The following CDK14 variants were observed in gnomAD, a reference collection of about 807,000 sequenced individuals.
The protein encoded by CDK14 is cyclin dependent kinase 14.
CDK14 carries 34 observed loss-of-function variants against 60.7 expected under a neutral mutation model. The observed-to-expected ratio is 0.56, with a 90% confidence interval of 0.43 to 0.75. The LOEUF (loss-of-function observed/expected upper bound fraction) is 0.75, where lower values mean the gene tolerates loss of function less well. Among genes scored for constraint, CDK14 ranks in the 30% least tolerant of loss-of-function variants. The pLI, the probability that CDK14 is intolerant of heterozygous loss-of-function variation, is 0.00. For synonymous variants in CDK14, 197 were observed against 203.7 expected (o/e 0.97, Z 0.28); for missense variants, 482 against 564.1 (o/e 0.85, Z 1.47).
intron 2 of CDK14, among the ~76,000 whole-genome samples, chr7:90,679,312 T>C (rs1306568571): frequency 6.6e-6 from 1 of 152,210 alleles, no homozygotes; most frequent in Admixed American, 6.5e-5. Flanking sequence ...CTGTATTAAC[T>C]GATTGCAACT....
intron 14 of CDK14, among the ~76,000 whole-genome samples, chr7:91,183,701 C>T (rs1185012958): frequency 6.6e-6 from 1 of 152,194 alleles, no homozygotes; most frequent in African/African-American, 2.4e-5. Context: ...TTAGTTCTTT[C>T]CACCTCAAGT....
At chr7:91,204,565 C>T (rs936976803) in intron 14 of CDK14, among the ~76,000 whole-genome samples, 11 of 152,126 alleles carry the variant, frequency 7.2e-5, no homozygotes, top group African/African-American at 2.2e-4. Flanking sequence ...AACTCAACAA[C>T]GAAAAGACAA....
rs1029560338 is a variant in CDK14 at position 90,692,897 on chromosome 7, G to C, written c.124-33670G>C. Among the ~76,000 whole-genome samples the C allele has an allele frequency of 1.8e-4, 27 of 150,304 alleles. 1 individual carries two copies. The highest frequency in any genetic ancestry group is 6.6e-4 in the African/African-American group (27 of 40,872). On this transcript the variant is annotated intron_variant, in intron 2 of 14. Coordinates refer to ENST00000380050, the MANE Select transcript of CDK14 (RefSeq NM_001287135.2). The stretch of plus-strand genomic sequence containing the variant: ...GTTACTGCATTGGTCTGATGAGAAA[G>C]AAAAACTGCTTTAAATTCAGGCCAT...
chr7:90,726,580 A>C lies in CDK14; in HGVS notation c.137A>C (p.Lys46Thr). ...DTTFDEICVT[K>T]MSTRNCQGMD... ...TTCTTTTCTCAGATATGTGTCACAA[A>C]GATGTCTACACGGAACTGCCAGGGA... Residue 46 changes from lysine to threonine, a missense_variant, in exon 3 of 15, where the codon AAG (lysine) becomes ACG (threonine). Coordinates refer to ENST00000380050, the MANE Select transcript of CDK14 (RefSeq NM_001287135.2). 1 of 1,613,406 alleles carries C rather than the reference A, an allele frequency of 6.2e-7. No homozygotes were observed. The highest frequency in any genetic ancestry group is 8.5e-7 in the Non-Finnish European group (1 of 1,179,574).
intron 5 of CDK14, among the ~76,000 whole-genome samples, chr7:90,810,126 C>T (rs147438187): frequency 0.016 from 2,485 of 152,202 alleles, 33 homozygotes; most frequent in South Asian, 0.039. Context: ...TTTATGAGGC[C>T]GGCATCATCC....
At chr7:90,716,968 G>T (rs1042784128) in intron 2 of CDK14, among the ~76,000 whole-genome samples, 1 of 152,052 alleles carries the variant, frequency 6.6e-6, no homozygotes, top group African/African-American at 2.4e-5. Context: ...TGAGATCCCA[G>T]TGATTCCCGT....
intron 8 of CDK14, among the ~76,000 whole-genome samples, chr7:90,948,389 G>C (rs985370540): frequency 6.6e-6 from 1 of 152,122 alleles, no homozygotes. Context: ...GGATTGTTGA[G>C]GTGGAATTAT....
At chr7:91,092,353 G>A (rs1458022047) in intron 12 of CDK14, among the ~76,000 whole-genome samples, 1 of 152,164 alleles carries the variant, frequency 6.6e-6, no homozygotes, top group East Asian at 1.9e-4. Flanking sequence ...GGAATGTAGG[G>A]TCTGCTGGGA....
intron 2 of CDK14, among the ~76,000 whole-genome samples, chr7:90,635,190 A>G (rs1213755147): frequency 6.6e-6 from 1 of 152,152 alleles, no homozygotes; most frequent in Non-Finnish European, 1.5e-5. Context: ...TTGGTGTTTT[A>G]GACACGAAGT....
chr7:91,201,012 T>A (rs374581499), intron 14 of CDK14, among the ~76,000 whole-genome samples: 2 of 152,206 alleles, frequency 1.3e-5, no homozygotes, highest in East Asian at 1.9e-4. Context: ...CCTAATTTTT[T>A]CATTATTACC....
chr7:90,769,463 C>T (rs1396187687), intron 4 of CDK14, among the ~76,000 whole-genome samples: 2 of 120,876 alleles, frequency 1.7e-5, no homozygotes, highest in African/African-American at 3.1e-5. Context: ...TGATTTCTTT[C>T]TCTTTTCTTT....
At chr7:91,073,223 A>G (rs1187017626) in intron 11 of CDK14, among the ~76,000 whole-genome samples, 15 of 152,192 alleles carry the variant, frequency 9.9e-5, no homozygotes, top group Non-Finnish European at 2.1e-4. Context: ...TTCAAGGTCA[A>G]AATGAAGGAA....
At chr7:90,715,968 A>G (rs1222753385) in intron 2 of CDK14, among the ~76,000 whole-genome samples, 1 of 151,756 alleles carries the variant, frequency 6.6e-6, no homozygotes, top group Non-Finnish European at 1.5e-5. Context: ...CAATTTTAAT[A>G]TTTCACCTCT....
chr7:90,880,750 G>A (rs910449706), intron 6 of CDK14, among the ~76,000 whole-genome samples: 1 of 152,092 alleles, frequency 6.6e-6, no homozygotes, highest in Non-Finnish European at 1.5e-5. Flanking sequence ...TTGCTGCTCT[G>A]CAGCCTCCTT....
chr7:90,628,486 C>G (rs536206572), intron 2 of CDK14, among the ~76,000 whole-genome samples: 5 of 152,190 alleles, frequency 3.3e-5, no homozygotes, highest in African/African-American at 9.6e-5. Context: ...CAGTCCTTCT[C>G]AAACTTCAGT....
chr7:91,173,842 T>C (rs1490169737), intron 14 of CDK14, among the ~76,000 whole-genome samples: 1 of 151,936 alleles, frequency 6.6e-6, no homozygotes, highest in African/African-American at 2.4e-5. Context: ...AGCACAGCAG[T>C]CTGAGATCAA....
At chr7:90,857,119 A>G (rs1790847943) in intron 5 of CDK14, among the ~76,000 whole-genome samples, 1 of 151,918 alleles carries the variant, frequency 6.6e-6, no homozygotes, top group African/African-American at 2.4e-5. Flanking sequence ...GTTTTGGAAA[A>G]AAAAAACACA....
At chr7:90,771,527 G>A (rs1041141592) in intron 4 of CDK14, among the ~76,000 whole-genome samples, 2 of 152,232 alleles carry the variant, frequency 1.3e-5, no homozygotes, top group Non-Finnish European at 2.9e-5. Flanking sequence ...AGCAGCGAGA[G>A]GGGACCCAAA....
chr7:90,912,291 G>A lies in CDK14; in HGVS notation c.703-5310G>A, dbSNP rs115623330. ...TTATCTATTTCTAAGATTTTGAATGGCAAAGACAGAAATTCAAGAATCATG... is the reference window on the plus strand; with the variant it reads ...TTATCTATTTCTAAGATTTTGAATGACAAAGACAGAAATTCAAGAATCATG... On this transcript the variant is annotated intron_variant, in intron 7 of 14. Transcript: ENST00000380050. Among the ~76,000 whole-genome samples the A allele has an allele frequency of 7.8e-3, 1,193 of 152,226 alleles. 13 individuals are homozygous for A. The highest frequency in any genetic ancestry group is 0.026 in the African/African-American group (1,098 of 41,532).
Sources: gnomAD v4.1 joint callset for allele counts (sites outside exome capture counted in the v4.1 genomes callset) on GRCh38, gnomAD v4.1.1 for gene constraint, MANE v1.5 for transcripts, NCBI Gene and HGNC (gene_info 2026-07-23, HGNC 2026-07-21) for gene names.